The following SEMA4D variants were observed in gnomAD, a reference collection of about 807,000 sequenced individuals.
SEMA4D encodes the protein semaphorin 4D.
SEMA4D carries 22 observed loss-of-function variants against 74.8 expected under a neutral mutation model. The ratio of observed to expected loss-of-function variants is 0.29; its 90% CI spans 0.21 to 0.42. The LOEUF (loss-of-function observed/expected upper bound fraction) is 0.42, where lower values mean the gene tolerates loss of function less well. SEMA4D is among the 10% of genes least tolerant of loss of function. The probability of loss-of-function intolerance (pLI) is 1.00; values close to 1 mark genes in which losing one functional copy is unlikely to be tolerated. For missense variants in SEMA4D, 937 were observed against 1,118.4 expected (o/e 0.84, Z 2.31); for synonymous variants, 445 against 463.7 (o/e 0.96, Z 0.52).
intron 2 of SEMA4D, among the ~76,000 whole-genome samples, chr9:89,408,061 C>A (rs1843689333): frequency 6.6e-6 from 1 of 152,258 alleles, no homozygotes; most frequent in African/African-American, 2.4e-5. Flanking sequence ...GAATTCCAGG[C>A]ACATTTGCAG....
chr9:89,432,322 T>C (rs1415201008), intron 2 of SEMA4D, among the ~76,000 whole-genome samples: 1 of 152,212 alleles, frequency 6.6e-6, no homozygotes, highest in Non-Finnish European at 1.5e-5. Flanking sequence ...ACTGTAACCC[T>C]GACTAAGCCT....
intron 1 of SEMA4D, among the ~76,000 whole-genome samples, chr9:89,460,644 G>A (rs1856987111): frequency 6.6e-6 from 1 of 152,214 alleles, no homozygotes; most frequent in Admixed American, 6.5e-5. Flanking sequence ...GACGGCTCAA[G>A]AATATGTCAG....
At chr9:89,427,626 C>A (rs1201557021) in intron 2 of SEMA4D, among the ~76,000 whole-genome samples, 1 of 152,220 alleles carries the variant, frequency 6.6e-6, no homozygotes, top group Non-Finnish European at 1.5e-5. Context: ...CCCCTCTCCA[C>A]CCCCCGGTCA....
At chr9:89,447,083 G>A (rs936495499) in intron 2 of SEMA4D, among the ~76,000 whole-genome samples, 14 of 151,882 alleles carry the variant, frequency 9.2e-5, no homozygotes, top group African/African-American at 2.7e-4. Flanking sequence ...TCCGAACCCC[G>A]ACCCTCCCTC....
chr9:89,374,630 G>A (rs79618470), downstream of SEMA4D, among the ~76,000 whole-genome samples: 2,876 of 152,306 alleles, frequency 0.019, 62 homozygotes, highest in East Asian at 0.11. Context: ...AATATCTGGG[G>A]TGGTTTCTGT....
At chr9:89,362,438 C>A in intron 18 of SEMA4D, 1 of 1,614,014 alleles carries the variant, frequency 6.2e-7, no homozygotes, top group Non-Finnish European at 8.5e-7. Context: ...CCTGAAAGAA[C>A]AATGTGGTCT....
chr9:89,393,103 T>C (rs1840204671), intron 7 of SEMA4D, among the ~76,000 whole-genome samples: 1 of 152,168 alleles, frequency 6.6e-6, no homozygotes, highest in Admixed American at 6.5e-5. Flanking sequence ...TGGGGATAAT[T>C]TCATGCTCCA....
At chr9:89,434,271 G>A (rs1849914327) in intron 2 of SEMA4D, among the ~76,000 whole-genome samples, 1 of 151,994 alleles carries the variant, frequency 6.6e-6, no homozygotes, top group Admixed American at 6.6e-5. Context: ...AGGAGGGAGG[G>A]GTCTCGGTCT....
At chr9:89,432,007 G>A (rs942255576) in intron 2 of SEMA4D, among the ~76,000 whole-genome samples, 1 of 151,002 alleles carries the variant, frequency 6.6e-6, no homozygotes, top group African/African-American at 2.5e-5. Context: ...TCCCTTCTGT[G>A]CTGCTCTGCC....
At chr9:89,389,625 C>T (rs988753315) in intron 9 of SEMA4D, among the ~76,000 whole-genome samples, 7 of 152,166 alleles carry the variant, frequency 4.6e-5, no homozygotes, top group Non-Finnish European at 5.9e-5. Context: ...TTCAGGGATC[C>T]GATGACCAAG....
At chr9:89,361,556 T>G (rs1369312740) in exon 19 of SEMA4D, 1 of 152,206 alleles carries the variant, frequency 6.6e-6, no homozygotes, top group Non-Finnish European at 1.5e-5. Context: ...CTTTAATAAT[T>G]AGAGACTTGA....
intron 1 of SEMA4D, among the ~76,000 whole-genome samples, chr9:89,457,377 C>T (rs1856199287): frequency 6.6e-6 from 1 of 152,220 alleles, no homozygotes; most frequent in African/African-American, 2.4e-5. Flanking sequence ...CCAAGTCCAT[C>T]AGTGGCTGAC....
intron 1 of SEMA4D, among the ~76,000 whole-genome samples, chr9:89,489,118 A>G (rs1340670529): frequency 6.6e-6 from 1 of 152,254 alleles, no homozygotes; most frequent in African/African-American, 2.4e-5. Context: ...TGACAACAGC[A>G]AGTGTTGGCA....
intron 2 of SEMA4D, among the ~76,000 whole-genome samples, chr9:89,452,178 TTTTG>T (rs1331573351): frequency 1.5e-5 from 1 of 65,944 alleles, no homozygotes; most frequent in Non-Finnish European, 3.0e-5. Flanking sequence ...TCTTGGTTTT[TTTTG>T]TTTTTTTTTT....
chr9:89,475,134 G>A (rs957825831), intron 1 of SEMA4D, among the ~76,000 whole-genome samples: 12 of 152,234 alleles, frequency 7.9e-5, no homozygotes, highest in Non-Finnish European at 1.5e-4. Flanking sequence ...TGCAGCTGGA[G>A]GACAGACCAG....
At chr9:89,420,193 C>T (rs1846600380) in intron 2 of SEMA4D, among the ~76,000 whole-genome samples, 1 of 152,194 alleles carries the variant, frequency 6.6e-6, no homozygotes, top group Non-Finnish European at 1.5e-5. Flanking sequence ...CCCAAGGTTC[C>T]TGAGTGGGAA....
chr9:89,376,706 C>A (rs552612993), downstream of SEMA4D: 4 of 1,338,850 alleles, frequency 3.0e-6, no homozygotes, highest in South Asian at 6.4e-5. Context: ...ACCCGAGGGA[C>A]GCAGCCAGGA....
intron 2 of SEMA4D, chr9:89,406,007 G>A: frequency 2.1e-6 from 2 of 975,320 alleles, no homozygotes; most frequent in Non-Finnish European, 2.5e-6. Flanking sequence ...TGGCTGCCCA[G>A]CTTCCTTCCT....
At chr9:89,416,674 A>C (rs1337843345) in intron 2 of SEMA4D, among the ~76,000 whole-genome samples, 1 of 152,226 alleles carries the variant, frequency 6.6e-6, no homozygotes, top group Non-Finnish European at 1.5e-5. Flanking sequence ...GTGGTCGCTT[A>C]TAAGGAGGAG....
Sources: gnomAD v4.1 joint callset for allele counts (sites outside exome capture counted in the v4.1 genomes callset) on GRCh38, gnomAD v4.1.1 for gene constraint, MANE v1.5 for transcripts, NCBI Gene and HGNC (gene_info 2026-07-23, HGNC 2026-07-21) for gene names.